NRXN1: variants seen among roughly 807,000 people sequenced by gnomAD.
The protein encoded by NRXN1 is neurexin-1.
Under a neutral mutation model 150.9 loss-of-function variants are expected in NRXN1, and 39 were observed. That is an observed-to-expected ratio of 0.26 (90% confidence interval 0.20 to 0.34). The LOEUF is 0.34. NRXN1 is among the 10% of genes least tolerant of loss of function. The pLI is 1.00. For missense variants in NRXN1, 1,815 were observed against 1,949.9 expected (o/e 0.93, Z 1.30); for synonymous variants, 924 against 757.0 (o/e 1.22, Z -3.62).
intron 19 of NRXN1, 91 bp downstream of exon 19, chr2:50,091,232 C>T: frequency 1.4e-6 from 2 of 1,465,270 alleles, no homozygotes. Flanking sequence ...TCTCAGAAAA[C>T]CACAATTTGG....
rs886148287 is a variant in NRXN1, at chr2:50,512,287, C to A, written c.2375-5670G>T. On this transcript the variant is annotated intron_variant, in intron 12 of 22. Transcript: ENST00000401669. ...GAGCAGACCAAGCCTTAAAGAGGCT[C>A]TTCTACCCAAGAATTACTACACTCA... 5.3e-5 allele frequency among the ~76,000 whole-genome samples: 8 copies of A among 152,284 alleles called. No individual in the cohort carries two copies. The East Asian group carries it at 1.2e-3, about 22-fold the overall frequency.
intron 21 of NRXN1, among the ~76,000 whole-genome samples, chr2:50,010,041 G>C (rs17494124): frequency 6.6e-6 from 1 of 151,434 alleles, no homozygotes; most frequent in Non-Finnish European, 1.5e-5. Context: ...CATAGCAGAC[G>C]ATACAACTAC....
intron 2 of NRXN1, among the ~76,000 whole-genome samples, chr2:50,942,665 T>G (rs1489674563): frequency 6.6e-6 from 1 of 152,196 alleles, no homozygotes; most frequent in Non-Finnish European, 1.5e-5. Flanking sequence ...GGCCAATTCC[T>G]CCCATTTGGA....
chr2:50,278,228 T>TATATATATATATA (rs1445190942), intron 17 of NRXN1, among the ~76,000 whole-genome samples: 4 of 63,142 alleles, frequency 6.3e-5, no homozygotes, highest in African/African-American at 1.6e-4. Context: ...ACACCTGGCT[T>TATATATATATATA]TTATATATAT....
chr2:50,470,447 T>C (rs1435555720), intron 16 of NRXN1, among the ~76,000 whole-genome samples: 1 of 151,820 alleles, frequency 6.6e-6, no homozygotes, highest in East Asian at 1.9e-4. Context: ...AACCTTATCC[T>C]CTAGTATTAC....
At chr2:50,141,290 T>A (rs1707238617) in intron 18 of NRXN1, among the ~76,000 whole-genome samples, 1 of 151,996 alleles carries the variant, frequency 6.6e-6, no homozygotes, top group South Asian at 2.1e-4. Flanking sequence ...CTATCTCTCA[T>A]CATATACAAA....
At chr2:50,841,369 A>G (rs904706932) in intron 5 of NRXN1, among the ~76,000 whole-genome samples, 4 of 152,170 alleles carry the variant, frequency 2.6e-5, no homozygotes, top group Non-Finnish European at 5.9e-5. Flanking sequence ...CAGAAGTCAA[A>G]GTAATTGCCA....
At chr2:50,653,889 T>A (rs1259519595) in intron 5 of NRXN1, among the ~76,000 whole-genome samples, 1 of 151,790 alleles carries the variant, frequency 6.6e-6, no homozygotes, top group Admixed American at 6.6e-5. Flanking sequence ...TTTCCTTCAT[T>A]TTCTTTTGTG....
At position 50,265,630 on chromosome 2, in the gene NRXN1, GAAACC is replaced by G. The variant is rs1461787443; in HGVS notation, c.3365-28665_3365-28661del. ...GCAACGAACAAAGAAGAAAAATACA[GAAACC>G]AAAAGCAAGACATAGCACAATTCTT... On this transcript the variant is annotated intron_variant, in intron 17 of 22. Transcript: ENST00000401669. Among the ~76,000 whole-genome samples, 4 of 152,060 alleles carry G rather than the reference GAAACC, an allele frequency of 2.6e-5. No individual in the cohort carries two copies. In the East Asian group the frequency reaches 7.7e-4, roughly 29 times the overall value.
chr2:50,371,306 A>T (rs1288090095), intron 17 of NRXN1, among the ~76,000 whole-genome samples: 2 of 152,054 alleles, frequency 1.3e-5, no homozygotes, highest in African/African-American at 4.8e-5. Context: ...GCTTACACCC[A>T]AAGCAACAGG....
At chr2:50,420,428 C>CAT (rs2083895505) in intron 17 of NRXN1, among the ~76,000 whole-genome samples, 1 of 151,790 alleles carries the variant, frequency 6.6e-6, no homozygotes, top group African/African-American at 2.4e-5. Flanking sequence ...CACACACACA[C>CAT]ACACGGCAAA....
chr2:49,959,966 T>C (rs1269978223), intron 21 of NRXN1, among the ~76,000 whole-genome samples: 4 of 152,138 alleles, frequency 2.6e-5, no homozygotes, highest in Admixed American at 6.6e-5. Context: ...GCAAATGTAT[T>C]TTTTTTCCTG....
chr2:50,268,115 G>A (rs1480703784), intron 17 of NRXN1, among the ~76,000 whole-genome samples: 5 of 152,038 alleles, frequency 3.3e-5, no homozygotes, highest in Admixed American at 6.6e-5. Flanking sequence ...GCTTGAACCC[G>A]GAAGGCAGAG....
intron 19 of NRXN1, among the ~76,000 whole-genome samples, chr2:50,079,950 T>A (rs1313037531): frequency 6.6e-6 from 1 of 152,108 alleles, no homozygotes; most frequent in East Asian, 1.9e-4. Flanking sequence ...ATGGAAAATT[T>A]TAGAAATAAG....
At chr2:50,181,664 G>A (rs2060724126) in intron 18 of NRXN1, among the ~76,000 whole-genome samples, 1 of 151,944 alleles carries the variant, frequency 6.6e-6, no homozygotes, top group South Asian at 2.1e-4. Flanking sequence ...AAATAAATAT[G>A]CTCTGACATT....
In NRXN1 at chr2:50,855,756, T is replaced by C. The variant is rs114239945; in HGVS notation, c.832+66113A>G. On this transcript the variant is annotated intron_variant, in intron 5 of 22. Coordinates refer to ENST00000401669, the MANE Select transcript of NRXN1 (RefSeq NM_001330078.2). ...AAAAAGAGGAAAGGACAAACATTCA[T>C]TGAATATCTTACTATGTCCACTGAC... Among the ~76,000 whole-genome samples the C allele has an allele frequency of 5.7e-3, 870 of 152,172 alleles. 6 individuals carry two copies. Among genetic ancestry groups the C allele is most frequent in the African/African-American group, 0.019 (778 of 41,552 alleles).
chr2:50,144,970 C>G (rs947957535), intron 18 of NRXN1, among the ~76,000 whole-genome samples: 14 of 151,592 alleles, frequency 9.2e-5, no homozygotes, highest in African/African-American at 3.4e-4. Flanking sequence ...AATTCATAAA[C>G]TAAATGATAA....
chr2:50,447,354 C>G (rs1214008823), intron 17 of NRXN1, among the ~76,000 whole-genome samples: 1 of 151,060 alleles, frequency 6.6e-6, no homozygotes, highest in Non-Finnish European at 1.5e-5. Context: ...GTGGCACACA[C>G]CTGTAATTCC....
chr2:50,598,632 GTA>G (rs578009971), intron 8 of NRXN1, among the ~76,000 whole-genome samples: 2,226 of 143,790 alleles, frequency 0.015, 75 homozygotes, highest in African/African-American at 0.054. Context: ...ATGTATATAT[GTA>G]TATATGTGTG....
Sources: allele counts gnomAD v4.1 joint callset (sites outside exome capture counted in the v4.1 genomes callset), GRCh38; gene constraint gnomAD v4.1.1; transcripts MANE v1.5; gene names NCBI Gene and HGNC (gene_info 2026-07-23, HGNC 2026-07-21).